The following DHRS9 variants were observed in gnomAD, a reference collection of about 807,000 sequenced individuals.
DHRS9 encodes dehydrogenase/reductase 9.
In DHRS9, 18 loss-of-function variants were observed where a neutral mutation model predicts 26.6. The ratio of observed to expected loss-of-function variants is 0.68; its 90% CI spans 0.47 to 1.00. The LOEUF (loss-of-function observed/expected upper bound fraction) is 1.00. DHRS9 is among the 50% of genes least tolerant of loss of function. The pLI is 0.00. For missense variants in DHRS9, 425 were observed against 378.7 expected, an observed-to-expected ratio of 1.12 and a Z score of -1.01; for synonymous variants, 134 against 141.1, an observed-to-expected ratio of 0.95 and a Z score of 0.36.
At chr2:169,074,347 G>C (rs1683897911) in intron 1 of DHRS9, 1 of 985,286 alleles carries the variant, frequency 1.0e-6, no homozygotes, top group South Asian at 4.7e-5. Flanking sequence ...TTGCTTCTGA[G>C]GTCTGGGCTC....
Position 169,071,739 on chromosome 2 carries a change from G to A in DHRS9, c.-60+2022G>A, listed in dbSNP as rs550110016. ...TGAGTAAGGGAACTTACCCTCCCACGACGATAAATACCAACTCAACTATAT... is the reference window on the plus strand; with the variant it reads ...TGAGTAAGGGAACTTACCCTCCCACAACGATAAATACCAACTCAACTATAT... On this transcript the variant is annotated intron_variant, in intron 1 of 4. Coordinates refer to ENST00000674881, the MANE Select transcript of DHRS9 (RefSeq NM_001376924.1). Among the ~76,000 whole-genome samples the A allele has an allele frequency of 8.5e-5, 13 of 152,274 alleles. No homozygotes were observed. The South Asian group carries it at 1.2e-3, about 15-fold the overall frequency.
At chr2:169,069,918 G>A (rs956007355) in intron 1 of DHRS9, among the ~76,000 whole-genome samples, 2 of 152,136 alleles carry the variant, frequency 1.3e-5, no homozygotes, top group African/African-American at 4.8e-5. Flanking sequence ...GGTGTGACCT[G>A]GGATCTTGCC....
chr2:169,084,280 G>C (rs1362103761), intron 3 of DHRS9, among the ~76,000 whole-genome samples: 1 of 152,058 alleles, frequency 6.6e-6, no homozygotes, highest in African/African-American at 2.4e-5. Flanking sequence ...TAGCTGTTGT[G>C]AACAGTGCTA....
rs138068156 is a variant in DHRS9, at chr2:169,080,757, T to A, written c.-59-766T>A. Reference sequence around the variant, plus strand: ...TGCTTGGCTTTATCCTTTGTCCATGTGATTTTTTTCTCACAGGAGACTGGT... The same window carrying A: ...TGCTTGGCTTTATCCTTTGTCCATGAGATTTTTTTCTCACAGGAGACTGGT... On this transcript the variant is annotated intron_variant, in intron 1 of 4. Coordinates refer to ENST00000674881, the MANE Select transcript of DHRS9 (RefSeq NM_001376924.1). Among the ~76,000 whole-genome samples, 368 of 152,326 alleles carry A rather than the reference T, an allele frequency of 2.4e-3. 1 individual carries two copies. The highest frequency in any genetic ancestry group is 0.02 in the South Asian group (95 of 4,830).
intron 4 of DHRS9, among the ~76,000 whole-genome samples, chr2:169,092,386 T>C (rs529461060): frequency 2.6e-5 from 4 of 152,328 alleles, no homozygotes; most frequent in South Asian, 2.1e-4. Context: ...TTTATGGTGG[T>C]TACAAAAGAT....
rs367877637 is a variant in DHRS9, at chr2:169,071,059, G to T, written c.-60+1342G>T. The stretch of plus-strand genomic sequence containing the variant: ...AGCCTGGGCGACAGAGCGAGACTCC[G>T]TCTCAAAAAAAAAAAACAACAACAA... On this transcript the variant is annotated intron_variant, in intron 1 of 4. Transcript: ENST00000674881. Among the ~76,000 whole-genome samples, 94 of 149,090 alleles carry T rather than the reference G, an allele frequency of 6.3e-4. 1 individual carries two copies. The highest frequency in any genetic ancestry group is 2.1e-3 in the African/African-American group (87 of 40,658).
At chr2:169,087,616 GTC>G (rs1291985124) in intron 3 of DHRS9, among the ~76,000 whole-genome samples, 3 of 151,678 alleles carry the variant, frequency 2.0e-5, no homozygotes, top group Non-Finnish European at 2.9e-5. Flanking sequence ...AGGCCAGCAT[GTC>G]TCTGAGTCTC....
Position 169,095,579 on chromosome 2 carries a change from AAC to A in DHRS9, c.774_775del (p.Met259GlyfsTer19), listed in dbSNP as rs1453673397. On this transcript the variant is annotated frameshift_variant, in exon 5 of 5. Transcript: ENST00000674881. LOFTEE classifies it high-confidence loss of function. The stretch of plus-strand genomic sequence containing the variant: ...ACTGAAAGGCAATAAATCCTATGTG[AAC>A]ATGGACCTCTCTCCGGTGGTAGAGT... Reference protein sequence around the residue: ...DKLKGNKSYVNMDLSPVVECM... With the variant: ...DKLKGNKSYVXMDLSPVVECM... 6.2e-7 allele frequency: 1 copy of A among 1,613,934 alleles called. No individual in the cohort carries two copies. Among genetic ancestry groups the A allele is most frequent in the Non-Finnish European group, 8.5e-7 (1 of 1,179,904 alleles).
chr2:169,070,745 T>C, intron 1 of DHRS9: 1 of 985,422 alleles, frequency 1.0e-6, no homozygotes, highest in Non-Finnish European at 1.2e-6. Flanking sequence ...ATAACAAATG[T>C]CACTGTCTTA....
chr2:169,078,104 G>A (rs899478399), intron 1 of DHRS9, among the ~76,000 whole-genome samples: 1 of 152,228 alleles, frequency 6.6e-6, no homozygotes, highest in Non-Finnish European at 1.5e-5. Flanking sequence ...TATAGTGGAA[G>A]GACACAGCAC....
chr2:169,090,901 C>T (rs933324406), intron 3 of DHRS9, among the ~76,000 whole-genome samples: 7 of 152,172 alleles, frequency 4.6e-5, no homozygotes, highest in Non-Finnish European at 8.8e-5. Context: ...CCCAGCTCCC[C>T]GTCAGCCGTT....
At chr2:169,068,793 T>C (rs1409399762), upstream of DHRS9, among the ~76,000 whole-genome samples, 1 of 151,966 alleles carries the variant, frequency 6.6e-6, no homozygotes, top group Non-Finnish European at 1.5e-5. Context: ...AAACTGAAAA[T>C]GAAAAATCAG....
rs1382491844 is a variant in DHRS9 at position 169,091,886 on chromosome 2, A to C, written c.669A>C (p.Lys223Asn). 1 of 1,613,962 alleles carries C rather than the reference A, an allele frequency of 6.2e-7. No individual in the cohort carries two copies. Among genetic ancestry groups the C allele is most frequent in the African/African-American group, 1.3e-5 (1 of 74,926 alleles). ...ATCCAGTAAAGGTAATTGAAAAAAA[A>C]CTCGCCATTTGGGAGCAGCTGTCTC... ...LADPVKVIEK[K>N]LAIWEQLSPD... Residue 223 changes from lysine (K) to asparagine (N), a missense_variant, in exon 4 of 5, where the codon AAA (lysine) becomes AAC (asparagine). Physicochemically the swap from Lys to Asn is moderately conservative, Grantham distance 94. Transcript: ENST00000674881.
chr2:169,095,877 CGT>C lies in DHRS9; in HGVS notation c.*112_*113del, dbSNP rs112340718. On this transcript the variant is annotated 3_prime_UTR_variant, in exon 5 of 5. Coordinates refer to ENST00000674881, the MANE Select transcript of DHRS9 (RefSeq NM_001376924.1). ...TGCTCCAACCTGGACTCATTTAGAT[CGT>C]GCTTATTTGGATTGCAAAAGGGAGT... is the stretch of plus-strand genomic sequence containing the variant. 8.0e-4 allele frequency: 808 copies of C among 1,013,058 alleles called. 5 individuals carry two copies. In the African/African-American group the frequency reaches 0.011, roughly 14 times the overall value. 62.8% of individuals were successfully genotyped at this position (1,013,058 alleles called of 1,614,324 possible).
chr2:169,070,467 C>G, intron 1 of DHRS9: 2 of 985,370 alleles, frequency 2.0e-6, no homozygotes, highest in Non-Finnish European at 2.4e-6. Context: ...TGAAATGTCC[C>G]ACTACACTGT....
intron 1 of DHRS9, chr2:169,070,634 G>C (rs936533329): frequency 9.1e-6 from 9 of 984,274 alleles, no homozygotes; most frequent in Non-Finnish European, 1.1e-5. Flanking sequence ...CAAAGAGGGT[G>C]CTCAGATTTT....
intron 1 of DHRS9, among the ~76,000 whole-genome samples, chr2:169,077,115 G>T (rs555957246): frequency 6.6e-6 from 1 of 152,282 alleles, no homozygotes; most frequent in South Asian, 2.1e-4. Flanking sequence ...TTGTTCAGAT[G>T]TCAGCTGTGC....
At chr2:169,077,254 A>G (rs1350261664) in intron 1 of DHRS9, among the ~76,000 whole-genome samples, 1 of 152,238 alleles carries the variant, frequency 6.6e-6, no homozygotes, top group Non-Finnish European at 1.5e-5. Context: ...AGTACGTCCT[A>G]GGAAATTTGG....
At chr2:169,071,395 G>T (rs1683800258) in intron 1 of DHRS9, among the ~76,000 whole-genome samples, 1 of 152,216 alleles carries the variant, frequency 6.6e-6, no homozygotes, top group African/African-American at 2.4e-5. Flanking sequence ...GGATGTGATG[G>T]TGAATTATAA....
Sources: gnomAD v4.1 joint callset for allele counts (sites outside exome capture counted in the v4.1 genomes callset) on GRCh38, gnomAD v4.1.1 for gene constraint, MANE v1.5 for transcripts, NCBI Gene and HGNC (gene_info 2026-07-23, HGNC 2026-07-21) for gene names.